The following LOC128462377 variants were observed in gnomAD, a reference collection of about 807,000 sequenced individuals.
At chr16:89,333,884 G>T in the LOC128462377 span, among the ~76,000 whole-genome samples, 1 of 152,120 alleles carries the variant, frequency 6.6e-6, no homozygotes, top group Non-Finnish European at 1.5e-5. Context: ...CCCAGTATGT[G>T]GGCGTGTGTT....
chr16:89,355,194 G>C, the LOC128462377 span, among the ~76,000 whole-genome samples: 1 of 152,156 alleles, frequency 6.6e-6, no homozygotes, highest in African/African-American at 2.4e-5. Flanking sequence ...ACCTATGCTG[G>C]TGATGCTCGG....
chr16:89,332,703 G>A, the LOC128462377 span, among the ~76,000 whole-genome samples: 14 of 152,254 alleles, frequency 9.2e-5, no homozygotes, highest in Admixed American at 2.0e-4. Context: ...GCTCTCCTCC[G>A]GCAGGGCCTG....
At chr16:89,320,497 G>C in the LOC128462377 span, 11 of 152,380 alleles carry the variant, frequency 7.2e-5, no homozygotes, top group African/African-American at 2.2e-4. Flanking sequence ...ACGCAGAGCC[G>C]AGGGGCCGGC....
chr16:89,375,853 C>T, the LOC128462377 span, among the ~76,000 whole-genome samples: 1 of 151,800 alleles, frequency 6.6e-6, no homozygotes, highest in Admixed American at 6.6e-5. Context: ...CTAAATGACA[C>T]CACAGACCCA....
chr16:89,403,220 T>C, the LOC128462377 span, among the ~76,000 whole-genome samples: 2 of 152,192 alleles, frequency 1.3e-5, no homozygotes, highest in Non-Finnish European at 2.9e-5. Flanking sequence ...CCCTCTCTTC[T>C]GCTTTACGGG....
chr16:89,394,745 G>T, the LOC128462377 span, among the ~76,000 whole-genome samples: 31 of 152,194 alleles, frequency 2.0e-4, no homozygotes, highest in East Asian at 5.6e-3. Context: ...TATGACAAAG[G>T]CTCCATCAAG....
the LOC128462377 span, among the ~76,000 whole-genome samples, chr16:89,356,547 G>A: frequency 4.0e-5 from 6 of 151,458 alleles, no homozygotes; most frequent in East Asian, 1.9e-4. Context: ...CGAGGCGGGC[G>A]GATCACGAGG....
the LOC128462377 span, among the ~76,000 whole-genome samples, chr16:89,350,859 G>A: frequency 1.3e-5 from 2 of 152,254 alleles, no homozygotes; most frequent in Non-Finnish European, 2.9e-5. Context: ...CTAATGGAGT[G>A]GAACGGGTCC....
chr16:89,319,115 C>T, the LOC128462377 span, among the ~76,000 whole-genome samples: 1 of 152,208 alleles, frequency 6.6e-6, no homozygotes, highest in South Asian at 2.1e-4. Flanking sequence ...GCTCTCAGGA[C>T]GGAAAAACGG....
chr16:89,319,548 T>C, the LOC128462377 span, among the ~76,000 whole-genome samples: 2 of 152,222 alleles, frequency 1.3e-5, no homozygotes, highest in Admixed American at 6.5e-5. Flanking sequence ...TCCAGGACCC[T>C]CGTGTCCGCC....
At chr16:89,377,268 G>GGAGA in the LOC128462377 span, among the ~76,000 whole-genome samples, 4 of 150,478 alleles carry the variant, frequency 2.7e-5, no homozygotes, top group Middle Eastern at 3.2e-3. Flanking sequence ...TGTCAACATG[G>GGAGA]GAGAGAGAGA....
the LOC128462377 span, chr16:89,343,808 C>T: frequency 1.3e-5 from 2 of 152,340 alleles, no homozygotes; most frequent in East Asian, 1.9e-4. Context: ...CAGCGGTCCC[C>T]GCGTCGCCCA....
At chr16:89,416,320 G>A in the LOC128462377 span, among the ~76,000 whole-genome samples, 1 of 151,716 alleles carries the variant, frequency 6.6e-6, no homozygotes, top group South Asian at 2.1e-4. Flanking sequence ...TTTCCCCAGA[G>A]ACAGAGTCTT....
chr16:89,332,369 GA>G, the LOC128462377 span, among the ~76,000 whole-genome samples: 1 of 152,180 alleles, frequency 6.6e-6, no homozygotes, highest in Non-Finnish European at 1.5e-5. Context: ...TACCTTTTCA[GA>G]AAGAAACACT....
the LOC128462377 span, among the ~76,000 whole-genome samples, chr16:89,346,271 GAATC>G: frequency 9.5e-6 from 1 of 105,738 alleles, no homozygotes; most frequent in African/African-American, 3.5e-5. Context: ...AAAAAAAAAA[GAATC>G]AACACAACAG....
the LOC128462377 span, among the ~76,000 whole-genome samples, chr16:89,331,640 G>A: frequency 6.6e-6 from 1 of 151,984 alleles, no homozygotes; most frequent in East Asian, 1.9e-4. Flanking sequence ...TATGTATTTA[G>A]GTACAGGGTC....
the LOC128462377 span, among the ~76,000 whole-genome samples, chr16:89,351,929 T>G: frequency 6.6e-6 from 1 of 152,188 alleles, no homozygotes; most frequent in African/African-American, 2.4e-5. Flanking sequence ...ATCTCTTTTT[T>G]GGAGACAGTC....
the LOC128462377 span, among the ~76,000 whole-genome samples, chr16:89,362,149 T>C: frequency 6.6e-6 from 1 of 152,240 alleles, no homozygotes; most frequent in Non-Finnish European, 1.5e-5. Flanking sequence ...TTAACAAATG[T>C]GAGTGGATTA....
At chr16:89,323,498 A>T in the LOC128462377 span, among the ~76,000 whole-genome samples, 744 of 18,166 alleles carry the variant, frequency 0.041, 16 homozygotes, top group African/African-American at 0.14. Context: ...GCAGGGGGGC[A>T]GAGCCCAGGG....
Sources: gnomAD v4.1 joint callset for allele counts (sites outside exome capture counted in the v4.1 genomes callset) on GRCh38, gnomAD v4.1.1 for gene constraint, MANE v1.5 for transcripts.